CA10: variants seen among roughly 807,000 people sequenced by gnomAD.
CA10 encodes the protein carbonic anhydrase 10 (inactive), also known as carbonic anhydrase-related protein 10.
Under a neutral mutation model 44.2 loss-of-function variants are expected in CA10, and 14 were observed. The observed-to-expected ratio is 0.32, with a 90% CI of 0.21 to 0.50. The LOEUF is 0.50. Ranked by LOEUF, CA10 falls within the 20% of genes least tolerant of loss-of-function variation. CA10 has a pLI of 0.99. For missense variants in CA10, 350 were observed against 409.7 expected (o/e 0.85, Z 1.26); for synonymous variants, 159 against 141.6 (o/e 1.12, Z -0.87).
chr17:51,971,230 T>A (rs1344827136), intron 2 of CA10, among the ~76,000 whole-genome samples: 1 of 152,082 alleles, frequency 6.6e-6, no homozygotes, highest in East Asian at 1.9e-4. Flanking sequence ...ATGCTCATTT[T>A]TACAGGCACC....
rs58818035 is a variant in CA10 at position 51,983,491 on chromosome 17, CTACTT to C, written c.137-52364_137-52360del. Among the ~76,000 whole-genome samples, 1,484 of 151,838 alleles carry C rather than the reference CTACTT, an allele frequency of 9.8e-3. 22 individuals are homozygous for C. The highest frequency in any genetic ancestry group is 0.034 in the African/African-American group (1,390 of 41,480). On this transcript the variant is annotated intron_variant, in intron 2 of 8. Coordinates refer to ENST00000451037, the MANE Select transcript of CA10 (RefSeq NM_020178.5). ...TGTCTCTTGAATGCAATAATATACTCTACTTAAATAACTCTGAGAATGGATGGCAG... is the reference window on the plus strand; with the variant it reads ...TGTCTCTTGAATGCAATAATATACTCAAATAACTCTGAGAATGGATGGCAG...
intron 4 of CA10, among the ~76,000 whole-genome samples, chr17:51,734,761 T>C (rs187836437): frequency 1.1e-4 from 17 of 152,336 alleles, no homozygotes; most frequent in Admixed American, 9.8e-4. Context: ...GACTGTCTTC[T>C]GCAGGCCTGA....
At chr17:52,050,482 T>A (rs1239154379) in intron 2 of CA10, among the ~76,000 whole-genome samples, 3 of 152,110 alleles carry the variant, frequency 2.0e-5, no homozygotes, top group African/African-American at 4.8e-5. Context: ...ACAATGTATA[T>A]CATGCATGCC....
chr17:52,158,083 G>A lies in CA10; in HGVS notation c.-297C>T, dbSNP rs370787234. On this transcript the variant is annotated 5_prime_UTR_variant, in exon 1 of 9. Coordinates refer to ENST00000451037, the MANE Select transcript of CA10 (RefSeq NM_020178.5). The stretch of plus-strand genomic sequence containing the variant: ...GCGTGTCTCTTCTCTTCGCACCAGC[G>A]GCGGAAACCGCACTAGCAGCGGCGG... 5.8e-6 allele frequency: 3 copies of A among 516,902 alleles called. No individual in the cohort carries two copies. Among genetic ancestry groups the A allele is most frequent in the African/African-American group, 3.9e-5 (2 of 51,728 alleles). 32.0% of individuals were successfully genotyped at this position (516,902 alleles called of 1,614,324 possible). A position where few individuals can be genotyped will look rare whatever the true frequency, so the allele number is the denominator to read the frequency against.
intron 3 of CA10, among the ~76,000 whole-genome samples, chr17:51,800,757 A>G (rs1906895876): frequency 6.6e-6 from 1 of 152,210 alleles, no homozygotes; most frequent in Admixed American, 6.5e-5. Context: ...GAATTATGGC[A>G]TGTGTTGAAG....
At chr17:51,804,299 A>G (rs1360897875) in intron 3 of CA10, among the ~76,000 whole-genome samples, 1 of 152,222 alleles carries the variant, frequency 6.6e-6, no homozygotes, top group Non-Finnish European at 1.5e-5. Context: ...TTAGCCAATC[A>G]TTCATAAATT....
intron 2 of CA10, among the ~76,000 whole-genome samples, chr17:51,934,560 C>A (rs1165037319): frequency 6.6e-6 from 1 of 152,136 alleles, no homozygotes; most frequent in Non-Finnish European, 1.5e-5. Context: ...TGAAAGTCAA[C>A]TATTCTAAAT....
intron 3 of CA10, among the ~76,000 whole-genome samples, chr17:51,878,074 G>A (rs548370828): frequency 1.3e-5 from 2 of 148,688 alleles, no homozygotes; most frequent in African/African-American, 5.0e-5. Context: ...AACCCAGAAG[G>A]CGGAGGTTAC....
intron 3 of CA10, among the ~76,000 whole-genome samples, chr17:51,897,482 T>C (rs879904264): frequency 2.6e-5 from 4 of 152,178 alleles, no homozygotes; most frequent in Admixed American, 6.6e-5. Context: ...GTAGTATAAT[T>C]TGAAGTCAGG....
chr17:51,789,906 C>T (rs900208302), intron 3 of CA10, among the ~76,000 whole-genome samples: 3 of 152,200 alleles, frequency 2.0e-5, no homozygotes, highest in African/African-American at 7.2e-5. Context: ...GGATGAAGAT[C>T]GGTGATGTCC....
intron 3 of CA10, among the ~76,000 whole-genome samples, chr17:51,813,423 C>T (rs1013075416): frequency 3.3e-5 from 5 of 152,214 alleles, no homozygotes; most frequent in Admixed American, 6.6e-5. Flanking sequence ...TAAGGGGCCA[C>T]GCCTGTGCTT....
chr17:52,096,875 TC>T (rs1345286705), intron 1 of CA10, among the ~76,000 whole-genome samples: 46 of 152,224 alleles, frequency 3.0e-4, no homozygotes, highest in Admixed American at 2.9e-3. Flanking sequence ...GCCCTATCTA[TC>T]CTTTGTAACT....
chr17:51,653,367 C>T (rs544090202), intron 5 of CA10, among the ~76,000 whole-genome samples: 26 of 151,958 alleles, frequency 1.7e-4, no homozygotes, highest in Admixed American at 1.4e-3. Flanking sequence ...GTCCTAAAGC[C>T]TGTCCCTGGA....
At chr17:51,830,153 C>T (rs139129053) in intron 3 of CA10, among the ~76,000 whole-genome samples, 5,029 of 144,610 alleles carry the variant, frequency 0.035, 144 homozygotes, top group African/African-American at 0.078. Context: ...GCTGAGATTG[C>T]GCCACTGTAC....
At chr17:51,838,490 G>T (rs1263465261) in intron 3 of CA10, among the ~76,000 whole-genome samples, 5 of 152,228 alleles carry the variant, frequency 3.3e-5, no homozygotes, top group Non-Finnish European at 7.3e-5. Context: ...GTATGAAGTG[G>T]CTTGTGCACT....
At chr17:51,976,725 G>A (rs1194684263) in intron 2 of CA10, among the ~76,000 whole-genome samples, 1 of 150,978 alleles carries the variant, frequency 6.6e-6, no homozygotes, top group Non-Finnish European at 1.5e-5. Flanking sequence ...TAAATTGAAA[G>A]TAAATGAAAG....
chr17:51,995,039 A>C (rs938969390), intron 2 of CA10, among the ~76,000 whole-genome samples: 3 of 152,048 alleles, frequency 2.0e-5, no homozygotes, highest in African/African-American at 7.2e-5. Context: ...AGTTTACTAC[A>C]AAAGATGCGT....
chr17:52,068,435 G>T (rs932381618), intron 2 of CA10, among the ~76,000 whole-genome samples: 6 of 152,226 alleles, frequency 3.9e-5, no homozygotes, highest in Non-Finnish European at 8.8e-5. Flanking sequence ...GTTCTTTAAA[G>T]CAGTATGAAA....
chr17:51,684,391 G>A (rs1385898026), intron 4 of CA10, among the ~76,000 whole-genome samples: 1 of 152,158 alleles, frequency 6.6e-6, no homozygotes, highest in East Asian at 1.9e-4. Flanking sequence ...AGTAGCCATA[G>A]GAAACCAGTG....
Sources: allele counts gnomAD v4.1 joint callset (sites outside exome capture counted in the v4.1 genomes callset), GRCh38; gene constraint gnomAD v4.1.1; transcripts MANE v1.5; gene names NCBI Gene and HGNC (gene_info 2026-07-23, HGNC 2026-07-21).